PPARG: variants seen among roughly 807,000 people sequenced by gnomAD.
PPARG encodes the protein peroxisome proliferator-activated receptor gamma.
PPARG carries 17 observed loss-of-function variants against 39.2 expected under a neutral mutation model. The observed-to-expected ratio is 0.43, with a 90% confidence interval of 0.30 to 0.65. The LOEUF (loss-of-function observed/expected upper bound fraction) is 0.65. PPARG is among the 30% of genes least tolerant of loss of function. The pLI is 0.13. For synonymous variants in PPARG, 223 were observed against 215.7 expected (o/e 1.03, Z -0.30); for missense variants, 406 against 585.9 (o/e 0.69, Z 3.17).
intron 1 of PPARG, among the ~76,000 whole-genome samples, chr3:12,310,803 A>C (rs181743919): frequency 8.2e-5 from 9 of 109,968 alleles, no homozygotes; most frequent in East Asian, 2.9e-4. Flanking sequence ...AAAAAAAAAA[A>C]AAAAAAAAAA....
chr3:12,429,857 G>C (rs775957354), intron 7 of PPARG, among the ~76,000 whole-genome samples: 19 of 152,126 alleles, frequency 1.2e-4, no homozygotes, highest in Non-Finnish European at 1.9e-4. Flanking sequence ...TGCTCCCAGG[G>C]GCCCAATTCT....
intron 3 of PPARG, among the ~76,000 whole-genome samples, chr3:12,380,533 T>C (rs1024283291): frequency 2.0e-5 from 3 of 152,228 alleles, no homozygotes; most frequent in African/African-American, 7.2e-5. Flanking sequence ...TGTGATGCTA[T>C]TTCCTTGATT....
intron 2 of PPARG, chr3:12,351,520 A>G (rs2048484414): frequency 5.1e-6 from 6 of 1,172,690 alleles, no homozygotes; most frequent in Non-Finnish European, 7.7e-6. Flanking sequence ...TTTTTCTTTT[A>G]ACGGATTGAT....
At chr3:12,302,883 A>T (rs1304018936) in intron 1 of PPARG, among the ~76,000 whole-genome samples, 1 of 152,132 alleles carries the variant, frequency 6.6e-6, no homozygotes, top group Non-Finnish European at 1.5e-5. Flanking sequence ...ACATACCATG[A>T]GGAGGGCCTG....
intron 2 of PPARG, among the ~76,000 whole-genome samples, chr3:12,359,106 G>C (rs1436471054): frequency 6.6e-6 from 1 of 152,054 alleles, no homozygotes; most frequent in African/African-American, 2.4e-5. Flanking sequence ...CACGAGTCTG[G>C]TCTCTGTACT....
Position 12,392,634 on chromosome 3 carries a change from C to G in PPARG, c.411C>G (p.Ile137Met), listed in dbSNP as rs149064546. 13 of 1,613,736 alleles carry G rather than the reference C, an allele frequency of 8.1e-6. No individual in the cohort carries two copies. The highest frequency in any genetic ancestry group is 1.1e-5 in the Non-Finnish European group (13 of 1,179,864). Residue 137 changes from isoleucine (I) to methionine (M), a missense_variant, in exon 5 of 8, where the codon ATC becomes ATG. This residue lies in a region of PPARG where 275 missense variants were observed against 458.0 expected (regional missense o/e 0.60). Coordinates refer to ENST00000651735, the MANE Select transcript of PPARG (RefSeq NM_138711.6). ...EGCKGFFRRT[I>M]RLKLIYDRCD... ...TGCAGGGTTTCTTCCGGAGAACAAT[C>G]AGATTGAAGCTTATCTATGACAGAT...
intron 2 of PPARG, among the ~76,000 whole-genome samples, chr3:12,347,552 C>T (rs565317426): frequency 6.6e-6 from 1 of 152,218 alleles, no homozygotes; most frequent in South Asian, 2.1e-4. Context: ...ATGCAACCAC[C>T]ACTTGAAAAT....
chr3:12,361,083 T>C lies in PPARG; in HGVS notation c.-8-18621T>C, dbSNP rs4135308. On this transcript the variant is annotated intron_variant, in intron 2 of 7. Transcript: ENST00000651735. Reference sequence around the variant, plus strand: ...ACTGGTACTTGGCATTCTCTGTCTTTTTCACGTTAGCCATTCTGATGGGTG... The same window carrying C: ...ACTGGTACTTGGCATTCTCTGTCTTCTTCACGTTAGCCATTCTGATGGGTG... Among the ~76,000 whole-genome samples the C allele has an allele frequency of 3.3e-3, 507 of 152,306 alleles. 3 individuals carry two copies. Among genetic ancestry groups the C allele is most frequent in the African/African-American group, 0.012 (480 of 41,574 alleles).
At chr3:12,349,017 T>C (rs1274455026) in intron 2 of PPARG, among the ~76,000 whole-genome samples, 2 of 152,242 alleles carry the variant, frequency 1.3e-5, no homozygotes, top group African/African-American at 4.8e-5. Flanking sequence ...TACTGTTTAC[T>C]GGTAGTAATG....
chr3:12,328,194 C>G (rs2047749379), intron 2 of PPARG: 1 of 1,423,598 alleles, frequency 7.0e-7, no homozygotes, highest in African/African-American at 1.4e-5. Flanking sequence ...AGAACTAGAA[C>G]AGAAAAAGTC....
intron 2 of PPARG, among the ~76,000 whole-genome samples, chr3:12,339,271 A>G (rs1314612470): frequency 6.6e-6 from 1 of 152,234 alleles, no homozygotes; most frequent in Non-Finnish European, 1.5e-5. Flanking sequence ...CTATAGAGGC[A>G]GAAAAGTATA....
chr3:12,314,051 C>T (rs1394109400), intron 2 of PPARG, among the ~76,000 whole-genome samples: 2 of 152,086 alleles, frequency 1.3e-5, no homozygotes, highest in African/African-American at 2.4e-5. Flanking sequence ...CTGAGGTGGG[C>T]GGATCATTTG....
intron 2 of PPARG, among the ~76,000 whole-genome samples, chr3:12,316,435 G>A (rs1255517374): frequency 6.6e-6 from 1 of 152,138 alleles, no homozygotes; most frequent in Non-Finnish European, 1.5e-5. Context: ...AGGGGCTGCG[G>A]CACTGGAAAG....
chr3:12,315,786 A>G (rs993057364), intron 2 of PPARG, among the ~76,000 whole-genome samples: 3 of 152,142 alleles, frequency 2.0e-5, no homozygotes, highest in Non-Finnish European at 4.4e-5. Context: ...AACTCCACAA[A>G]GCTCTGCCTC....
chr3:12,298,402 GACACAC>G (rs561853093), intron 1 of PPARG, among the ~76,000 whole-genome samples: 2 of 140,280 alleles, frequency 1.4e-5, no homozygotes, highest in Non-Finnish European at 3.1e-5. Context: ...TATATGTATA[GACACAC>G]ACACACACAC....
upstream of PPARG, among the ~76,000 whole-genome samples, chr3:12,288,475 G>C (rs1426348217): frequency 6.6e-6 from 1 of 151,942 alleles, no homozygotes; most frequent in African/African-American, 2.4e-5. Context: ...GGACCTCCGC[G>C]TCCCCGGCGG....
intron 1 of PPARG, chr3:12,297,930 T>G (rs1391835103): frequency 1.3e-5 from 2 of 152,156 alleles, no homozygotes; most frequent in East Asian, 3.9e-4. Flanking sequence ...CTGATGCAGA[T>G]GCACAGAAAG....
At chr3:12,311,605 A>G (rs2047245986) in intron 1 of PPARG, among the ~76,000 whole-genome samples, 2 of 152,224 alleles carry the variant, frequency 1.3e-5, no homozygotes, top group Admixed American at 1.3e-4. Context: ...GTAGAGTTTC[A>G]TGTAGGTAAG....
At chr3:12,316,145 T>C (rs2047381907) in intron 2 of PPARG, among the ~76,000 whole-genome samples, 1 of 152,206 alleles carries the variant, frequency 6.6e-6, no homozygotes, top group Admixed American at 6.5e-5. Flanking sequence ...TAAAGCCGTT[T>C]AAAATCAAAA....
Sources: gnomAD v4.1 joint callset for allele counts (sites outside exome capture counted in the v4.1 genomes callset) on GRCh38, gnomAD v4.1.1 for gene constraint, gnomAD v4.1.1 regional missense constraint, MANE v1.5 for transcripts, NCBI Gene and HGNC (gene_info 2026-07-23, HGNC 2026-07-21) for gene names.